LINGO2: variants seen among roughly 807,000 people sequenced by gnomAD.
LINGO2 encodes the protein leucine rich repeat and Ig domain containing 2, also known as leucine-rich repeat and immunoglobulin-like domain-containing nogo receptor-interacting protein 2.
In LINGO2, 14 loss-of-function variants were observed where a neutral mutation model predicts 30.6. The ratio of observed to expected loss-of-function variants is 0.46; its 90% CI spans 0.30 to 0.72. LINGO2 has a LOEUF of 0.72. Ranked by LOEUF, LINGO2 falls within the 30% of genes least tolerant of loss-of-function variation. The probability of loss-of-function intolerance (pLI) is 0.07; values close to 1 mark genes in which losing one functional copy is unlikely to be tolerated. For missense variants in LINGO2, 729 were observed against 751.7 expected, an observed-to-expected ratio of 0.97 and a Z score of 0.35; for synonymous variants, 317 against 288.5, an observed-to-expected ratio of 1.10 and a Z score of -1.00.
chr9:28,387,870 A>C (rs1336388200), intron 2 of LINGO2, among the ~76,000 whole-genome samples: 1 of 152,132 alleles, frequency 6.6e-6, no homozygotes, highest in Admixed American at 6.5e-5. Context: ...AACTCCAGAC[A>C]CGTCTGAACA....
At chr9:28,347,733 C>T (rs77451900) in intron 3 of LINGO2, among the ~76,000 whole-genome samples, 2,892 of 152,194 alleles carry the variant, frequency 0.019, 102 homozygotes, top group African/African-American at 0.066. Flanking sequence ...ATTACCCAGG[C>T]GTCATTATTA....
chr9:29,148,973 C>T, the LINGO2 span, among the ~76,000 whole-genome samples: 369 of 152,190 alleles, frequency 2.4e-3, 2 homozygotes, highest in Middle Eastern at 0.017. Flanking sequence ...ATTATTCATA[C>T]GCAATTATTC....
chr9:28,170,803 C>A (rs1828560005), intron 4 of LINGO2, among the ~76,000 whole-genome samples: 1 of 152,172 alleles, frequency 6.6e-6, no homozygotes. Flanking sequence ...GACTTTGATT[C>A]TTCTGCCTCT....
At chr9:28,277,837 C>G (rs898790884) in intron 4 of LINGO2, among the ~76,000 whole-genome samples, 1 of 108,026 alleles carries the variant, frequency 9.3e-6, no homozygotes, top group Admixed American at 9.8e-5. Context: ...CAAAACAAAA[C>G]AAAAAAAAAA....
intron 4 of LINGO2, among the ~76,000 whole-genome samples, chr9:28,067,224 T>C (rs10968322): frequency 0.31 from 46,452 of 151,974 alleles, 7,505 homozygotes; most frequent in Middle Eastern, 0.45. Context: ...ATGGGTATCC[T>C]GTGAATCTTA....
At chr9:28,849,115 T>C in the LINGO2 span, among the ~76,000 whole-genome samples, 1 of 152,062 alleles carries the variant, frequency 6.6e-6, no homozygotes, top group Non-Finnish European at 1.5e-5. Context: ...TAGAGTTCTA[T>C]GTGTAGATCT....
chr9:28,728,813 A>G, the LINGO2 span, among the ~76,000 whole-genome samples: 2 of 152,198 alleles, frequency 1.3e-5, no homozygotes, highest in Non-Finnish European at 2.9e-5. Flanking sequence ...AAATATTCAA[A>G]TATATAATAT....
chr9:28,224,858 C>G (rs780473071), intron 4 of LINGO2, among the ~76,000 whole-genome samples: 2 of 152,130 alleles, frequency 1.3e-5, no homozygotes, highest in Non-Finnish European at 2.9e-5. Flanking sequence ...TGAGGCACCA[C>G]ACTACCGGAA....
chr9:28,546,126 T>A (rs191630052), intron 1 of LINGO2, among the ~76,000 whole-genome samples: 3 of 152,098 alleles, frequency 2.0e-5, no homozygotes, highest in Admixed American at 2.0e-4. Context: ...TAAAATATGC[T>A]GATAAATTAA....
intron 4 of LINGO2, among the ~76,000 whole-genome samples, chr9:28,173,500 A>G (rs1828660076): frequency 6.6e-6 from 1 of 152,190 alleles, no homozygotes; most frequent in Non-Finnish European, 1.5e-5. Context: ...AATTATATAT[A>G]GAGACCAATA....
At chr9:28,833,678 G>A in the LINGO2 span, among the ~76,000 whole-genome samples, 9 of 152,128 alleles carry the variant, frequency 5.9e-5, no homozygotes, top group East Asian at 9.7e-4. Context: ...TTATTTTTTC[G>A]CAGTTTTCTA....
At chr9:28,647,742 TC>T (rs1207241962) in intron 1 of LINGO2, among the ~76,000 whole-genome samples, 1 of 152,034 alleles carries the variant, frequency 6.6e-6, no homozygotes, top group African/African-American at 2.4e-5. Flanking sequence ...TGCTTGCTTC[TC>T]CTAACTTCAC....
At chr9:28,632,881 T>TAGAGAGAGAG (rs36101397) in intron 1 of LINGO2, among the ~76,000 whole-genome samples, 1 of 61,914 alleles carries the variant, frequency 1.6e-5, no homozygotes, top group African/African-American at 6.9e-5. Flanking sequence ...TATATATATG[T>TAGAGAGAGAG]AGAGAGAGAG....
chr9:28,806,448 A>G, the LINGO2 span, among the ~76,000 whole-genome samples: 1 of 152,186 alleles, frequency 6.6e-6, no homozygotes, highest in Non-Finnish European at 1.5e-5. Flanking sequence ...CCAAGTTCTC[A>G]TATCATCCCC....
intron 4 of LINGO2, among the ~76,000 whole-genome samples, chr9:28,126,723 C>G (rs1827246249): frequency 6.6e-6 from 1 of 152,196 alleles, no homozygotes; most frequent in African/African-American, 2.4e-5. Context: ...AAATAAATAT[C>G]AACTTTACAT....
At chr9:28,733,933 G>A in the LINGO2 span, among the ~76,000 whole-genome samples, 2 of 152,060 alleles carry the variant, frequency 1.3e-5, no homozygotes, top group African/African-American at 4.8e-5. Context: ...TCTGTTATCT[G>A]TATTTAACTT....
At chr9:28,622,657 CA>C (rs1826458170) in intron 1 of LINGO2, among the ~76,000 whole-genome samples, 1 of 151,902 alleles carries the variant, frequency 6.6e-6, no homozygotes, top group South Asian at 2.1e-4. Flanking sequence ...GCAACAAACA[CA>C]GGAGTGCAGA....
chr9:28,139,391 G>C lies in LINGO2; in HGVS notation c.-86-126986C>G, dbSNP rs962695728. Among the ~76,000 whole-genome samples the C allele has an allele frequency of 2.6e-5, 4 of 152,172 alleles. 1 individual carries two copies. In the East Asian group the frequency reaches 7.7e-4, roughly 29 times the overall value. On this transcript the variant is annotated intron_variant, in intron 4 of 5. Transcript: ENST00000379992. The stretch of plus-strand genomic sequence containing the variant: ...AGTATCCTTAACTCAAATTGTGTGG[G>C]TAGAATATACCTTTCTTTTTAATTT...
intron 4 of LINGO2, among the ~76,000 whole-genome samples, chr9:28,193,124 T>A (rs1263686825): frequency 6.6e-6 from 1 of 152,140 alleles, no homozygotes; most frequent in Non-Finnish European, 1.5e-5. Context: ...AGATTTATGC[T>A]GGGAGTTCAA....
Sources: gnomAD v4.1 joint callset for allele counts (sites outside exome capture counted in the v4.1 genomes callset) on GRCh38, gnomAD v4.1.1 for gene constraint, MANE v1.5 for transcripts, NCBI Gene and HGNC (gene_info 2026-07-23, HGNC 2026-07-21) for gene names.